The following USP7 variants were observed in gnomAD, a reference collection of about 807,000 sequenced individuals.
USP7 encodes ubiquitin specific peptidase 7, also known as ubiquitin C-terminal hydrolase 7.
Under a neutral mutation model 162.9 loss-of-function variants are expected in USP7, and 9 were observed. The observed-to-expected ratio is 0.06, with a 90% CI of 0.03 to 0.10. USP7 has a LOEUF of 0.10. Ranked by LOEUF, USP7 falls within the 10% of genes least tolerant of loss-of-function variation. The pLI is 1.00. For synonymous variants in USP7, 562 were observed against 475.9 expected (o/e 1.18, Z -2.35); for missense variants, 715 against 1,373.7 (o/e 0.52, Z 7.58).
chr16:8,961,516 G>GGGGGAA (rs1555472816), intron 1 of USP7, among the ~76,000 whole-genome samples: 1 of 98,100 alleles, frequency 1.0e-5, no homozygotes, highest in African/African-American at 3.4e-5. Context: ...GGGGGGGGGG[G>GGGGGAA]CAAATACCTT....
intron 1 of USP7, among the ~76,000 whole-genome samples, chr16:8,934,610 A>G (rs1037365557): frequency 1.3e-5 from 2 of 152,232 alleles, no homozygotes; most frequent in Non-Finnish European, 2.9e-5. Context: ...GAAAACGCAA[A>G]GCAAGCAGAG....
At chr16:8,937,458 C>T (rs1010947543) in intron 1 of USP7, among the ~76,000 whole-genome samples, 3 of 152,224 alleles carry the variant, frequency 2.0e-5, no homozygotes, top group Non-Finnish European at 4.4e-5. Flanking sequence ...AGGAGAATCA[C>T]TTGAACCCAG....
At chr16:8,941,802 AAGCCTCCG>A (rs1899058288) in intron 1 of USP7, among the ~76,000 whole-genome samples, 1 of 152,158 alleles carries the variant, frequency 6.6e-6, no homozygotes, top group African/African-American at 2.4e-5. Flanking sequence ...TGACCCTTCC[AAGCCTCCG>A]TCTCTGACAG....
At chr16:8,925,897 G>A (rs1273527641) in intron 2 of USP7, among the ~76,000 whole-genome samples, 1 of 152,224 alleles carries the variant, frequency 6.6e-6, no homozygotes, top group Admixed American at 6.5e-5. Context: ...GCTCACTCCT[G>A]TAATCACAGC....
rs188156374 is a variant in USP7, at chr16:8,916,669, C to T, written c.852-113G>A. ...GATAATCAGCTATTATTCTCAAATT[C>T]CTTTTCTGTGAAGATTATTTTTGGG... On this transcript the variant is annotated intron_variant, in intron 7 of 30. Transcript: ENST00000344836. 2.1e-3 allele frequency: 2,268 copies of T among 1,086,682 alleles called. 5 individuals carry two copies. The highest frequency in any genetic ancestry group is 2.6e-3 in the Non-Finnish European group (1,963 of 753,758). 67.3% of individuals were successfully genotyped at this position (1,086,682 alleles called of 1,614,324 possible).
intron 1 of USP7, among the ~76,000 whole-genome samples, chr16:8,939,268 C>T (rs757320256): frequency 2.6e-5 from 4 of 152,182 alleles, no homozygotes; most frequent in Admixed American, 6.5e-5. Context: ...CCCCGGCGTG[C>T]GTGCTCCCCC....
At chr16:8,921,038 C>A in intron 4 of USP7, 119 bp downstream of exon 4, 1 of 1,157,332 alleles carries the variant, frequency 8.6e-7, no homozygotes, top group South Asian at 1.8e-5. Context: ...AGACACTTGT[C>A]CAATTTAGAA....
chr16:8,903,210 G>A (rs1417963251), intron 16 of USP7, 58 bp downstream of exon 16: 24 of 1,576,846 alleles, frequency 1.5e-5, no homozygotes, highest in Non-Finnish European at 1.9e-5. Context: ...CTAGTGACAC[G>A]GAAGGAAGGT....
chr16:8,957,591 C>CAA (rs111693286), intron 1 of USP7, among the ~76,000 whole-genome samples: 244 of 132,248 alleles, frequency 1.8e-3, no homozygotes, highest in African/African-American at 6.2e-3. Flanking sequence ...ACTTAAAATT[C>CAA]AAAAAAAAAA....
At chr16:8,902,525 A>AT (rs2061791201) in intron 16 of USP7, 43 bp from the exon 17 acceptor site, 3 of 1,536,680 alleles carry the variant, frequency 2.0e-6, no homozygotes, top group Non-Finnish European at 2.7e-6. Context: ...AAACACGCTC[A>AT]TATTTTAGTC....
At position 8,895,123 on chromosome 16, in the gene USP7, C is replaced by G. The variant is rs1375207259; in HGVS notation, c.2947G>C (p.Asp983His). Residue 983 changes from aspartate (D) to histidine (H), a missense_variant, in exon 28 of 31, where the codon GAC becomes CAC. By Grantham distance (81) the Asp-to-His change is moderately conservative. Coordinates refer to ENST00000344836, the MANE Select transcript of USP7 (RefSeq NM_003470.3). The stretch of plus-strand genomic sequence containing the variant: ...GTGACAAGCATCTCATTCTCTTTGT[C>G]TATGTCCACCTGGTCCAAAGGGATT... ...EEIPLDQVDI[D>H]KENEMLVTVA... The G allele has an allele frequency of 6.2e-7, 1 of 1,614,250 alleles. No individual in the cohort carries two copies. The highest frequency in any genetic ancestry group is 8.5e-7 in the Non-Finnish European group (1 of 1,180,044).
In USP7 at chr16:8,892,624, AAAAAAG is replaced by A. The variant is rs1200367299; in HGVS notation, c.*1368_*1373del. ...TAGAGGCTAAAAAAAAAAAAAAAAAAAAAAAGAAACAAGAGACCCTGCCCCCGCAAA... is the reference window on the plus strand; with the variant it reads ...TAGAGGCTAAAAAAAAAAAAAAAAAAAAACAAGAGACCCTGCCCCCGCAAA... On this transcript the variant is annotated 3_prime_UTR_variant, in exon 31 of 31. Coordinates refer to ENST00000344836, the MANE Select transcript of USP7 (RefSeq NM_003470.3). 2.0e-5 allele frequency: 3 copies of A among 149,738 alleles called. No homozygotes were observed. The highest frequency in any genetic ancestry group is 3.0e-5 in the Non-Finnish European group (2 of 67,182). The allele number at this position is 149,738 out of a possible 1,614,324, so 9.3% of individuals were successfully genotyped here.
rs758274961 is a variant in USP7 at position 8,930,315 on chromosome 16, G to T, written c.162C>A (p.Thr54=). 4 of 1,612,752 alleles carry T rather than the reference G, an allele frequency of 2.5e-6. No homozygotes were observed. In the South Asian group the frequency reaches 4.4e-5, roughly 18 times the overall value. ...GNVALSDGHN[T]AEEDMEDDTS... Reference sequence around the variant, plus strand: ...TACCATCCTCCATGTCCTCCTCCGCGGTGTTGTGTCCATCACTCAGGGCCA... The same window carrying T: ...TACCATCCTCCATGTCCTCCTCCGCTGTGTTGTGTCCATCACTCAGGGCCA... Residue 54 remains threonine, a synonymous_variant, in exon 2 of 31, where the codon ACC becomes ACA. Transcript: ENST00000344836.
At chr16:8,900,425 A>ATC (rs1172265544) in intron 21 of USP7, 105 bp downstream of exon 21, 1 of 799,028 alleles carries the variant, frequency 1.3e-6, no homozygotes, top group African/African-American at 1.8e-5. Context: ...AAAAACAAAA[A>ATC]CAAAAACGTG....
intron 1 of USP7, among the ~76,000 whole-genome samples, chr16:8,946,913 C>T (rs116601124): frequency 0.012 from 1,816 of 152,314 alleles, 22 homozygotes; most frequent in African/African-American, 0.039. Context: ...CTTGATGAAT[C>T]CATATTTTCC....
At chr16:8,897,272 G>T in intron 25 of USP7, 173 bp from the exon 26 acceptor site, 1 of 605,302 alleles carries the variant, frequency 1.7e-6, no homozygotes. Context: ...CTCACAGTGA[G>T]GACACTGGCC....
intron 1 of USP7, among the ~76,000 whole-genome samples, chr16:8,938,795 T>C (rs976709609): frequency 4.6e-5 from 7 of 152,046 alleles, no homozygotes; most frequent in Non-Finnish European, 1.0e-4. Context: ...AAAACAATAG[T>C]CTACCAACTA....
chr16:8,917,425 C>T (rs1046403063), intron 6 of USP7, among the ~76,000 whole-genome samples: 1 of 152,232 alleles, frequency 6.6e-6, no homozygotes, highest in Non-Finnish European at 1.5e-5. Context: ...GTTGGCCAGG[C>T]TGAAGTGCAG....
chr16:8,952,762 A>G (rs569437358), intron 1 of USP7, among the ~76,000 whole-genome samples: 1 of 152,202 alleles, frequency 6.6e-6, no homozygotes, highest in African/African-American at 2.4e-5. Context: ...CACAGACCCT[A>G]AACCTCTAGT....
Sources: gnomAD v4.1 joint callset for allele counts (sites outside exome capture counted in the v4.1 genomes callset) on GRCh38, gnomAD v4.1.1 for gene constraint, MANE v1.5 for transcripts, NCBI Gene and HGNC (gene_info 2026-07-23, HGNC 2026-07-21) for gene names.